Variants in APP observed in about 807,000 individuals in gnomAD.
The protein encoded by APP is amyloid-beta precursor protein.
A neutral mutation model predicts 101.4 loss-of-function variants in APP; 31 were observed. That is an observed-to-expected ratio of 0.31 (90% CI 0.23 to 0.41). APP has a LOEUF of 0.41. Ranked by LOEUF, APP falls within the 10% of genes least tolerant of loss-of-function variation. APP has a pLI of 1.00. For missense variants in APP, 839 were observed against 1,003.7 expected, an observed-to-expected ratio of 0.84 and a Z score of 2.22; for synonymous variants, 366 against 364.4, an observed-to-expected ratio of 1.00 and a Z score of -0.05.
Position 25,975,129 on chromosome 21 carries a change from C to A in APP, c.1399G>T (p.Asp467Tyr), listed in dbSNP as rs1424012655. ...HMARVEAMLNDRRRLALENYI... is the reference protein window; with the variant it reads ...HMARVEAMLNYRRRLALENYI... ...TTCTCCAGGGCCAGGCGGCGGCGGT[C>A]ATTGAGCATGGCTTCCACTCTGGCC... is the stretch of plus-strand genomic sequence containing the variant. Residue 467 changes from aspartate (D) to tyrosine (Y), a missense_variant, in exon 11 of 18, where the codon GAC becomes TAC. Physicochemically the swap from Asp to Tyr is radical, Grantham distance 160. Coordinates refer to ENST00000346798, the MANE Select transcript of APP (RefSeq NM_000484.4). 6.2e-7 allele frequency: 1 copy of A among 1,613,932 alleles called. No homozygotes were observed. Among genetic ancestry groups the A allele is most frequent in the Non-Finnish European group, 8.5e-7 (1 of 1,180,012 alleles).
chr21:25,897,851 T>C (rs1014244409), intron 15 of APP, 178 bp from the exon 16 acceptor site: 6 of 614,504 alleles, frequency 9.8e-6, no homozygotes, highest in African/African-American at 1.9e-5. Flanking sequence ...TTACTACCTA[T>C]TTTGAACAAA....
At position 25,887,517 on chromosome 21, in the gene APP, GA is replaced by G. The variant is rs199637906; in HGVS notation, c.2211+4204del. Among the ~76,000 whole-genome samples, 816 of 114,372 alleles carry G rather than the reference GA, an allele frequency of 7.1e-3. 5 individuals carry two copies. Among genetic ancestry groups the G allele is most frequent in the East Asian group, 0.031 (97 of 3,082 alleles). The allele number at this position is 114,372 out of a possible 152,430, so 75.0% of individuals were successfully genotyped here. A position where few individuals can be genotyped will look rare whatever the true frequency, so the allele number is the denominator to read the frequency against. On this transcript the variant is annotated intron_variant, in intron 17 of 17. Transcript: ENST00000346798. Reference sequence around the variant, plus strand: ...GTAAGTCAATATTTCCTGCTTATTTGAAAAAAAAAAAAAAAAAAAAAAACAA... The same window carrying G: ...GTAAGTCAATATTTCCTGCTTATTTGAAAAAAAAAAAAAAAAAAAAAACAA...
chr21:26,111,087 T>TAA (rs576900084), intron 2 of APP, among the ~76,000 whole-genome samples: 75 of 88,422 alleles, frequency 8.5e-4, no homozygotes, highest in East Asian at 5.4e-3. Context: ...AAAGTTAAGT[T>TAA]AAAAAAAAAA....
chr21:26,044,792 G>C (rs752255307), intron 5 of APP, among the ~76,000 whole-genome samples: 27 of 152,156 alleles, frequency 1.8e-4, no homozygotes, highest in Non-Finnish European at 2.9e-4. Flanking sequence ...GCCCACCTCG[G>C]CCTCCCAAAG....
chr21:25,956,659 C>T (rs1421913608), intron 11 of APP, among the ~76,000 whole-genome samples: 2 of 152,150 alleles, frequency 1.3e-5, no homozygotes, highest in Non-Finnish European at 2.9e-5. Context: ...ATTATTAACC[C>T]ATGTGTCATG....
At chr21:25,984,118 C>T (rs2042548618) in intron 8 of APP, among the ~76,000 whole-genome samples, 1 of 152,264 alleles carries the variant, frequency 6.6e-6, no homozygotes, top group Middle Eastern at 3.4e-3. Context: ...GCCTTCCCTC[C>T]TCCTCTGCTT....
At chr21:26,049,674 T>C (rs2045755696) in intron 5 of APP, among the ~76,000 whole-genome samples, 1 of 152,118 alleles carries the variant, frequency 6.6e-6, no homozygotes, top group African/African-American at 2.4e-5. Flanking sequence ...GACAAAAATA[T>C]GTTTAGAAAA....
intron 1 of APP, among the ~76,000 whole-genome samples, chr21:26,168,453 A>C (rs1031872588): frequency 5.9e-5 from 9 of 152,234 alleles, no homozygotes; most frequent in Non-Finnish European, 1.2e-4. Flanking sequence ...CCTTTAAAGG[A>C]GTTAACAATA....
intron 3 of APP, among the ~76,000 whole-genome samples, chr21:26,072,935 A>G (rs1275010369): frequency 3.9e-5 from 6 of 152,152 alleles, no homozygotes; most frequent in Non-Finnish European, 7.4e-5. Context: ...TTAACCTAAG[A>G]AGTCTGAATT....
At position 26,064,180 on chromosome 21, in the gene APP, T is replaced by C. The variant is rs537794130; in HGVS notation, c.356-10832A>G. ...CCTGACAATTAAATATAATGCGCCTTCCTGGATGGCATCCTGGAACACAGA... is the reference window on the plus strand; with the variant it reads ...CCTGACAATTAAATATAATGCGCCTCCCTGGATGGCATCCTGGAACACAGA... On this transcript the variant is annotated intron_variant, in intron 3 of 17. Transcript: ENST00000346798. Among the ~76,000 whole-genome samples the C allele has an allele frequency of 2.0e-4, 31 of 152,290 alleles. No individual in the cohort carries two copies. The East Asian group carries it at 6.0e-3, about 29-fold the overall frequency.
chr21:25,982,923 C>T (rs1364662556), intron 8 of APP, among the ~76,000 whole-genome samples: 4 of 80,044 alleles, frequency 5.0e-5, no homozygotes, highest in Non-Finnish European at 9.7e-5. Flanking sequence ...TGTAGAATAA[C>T]GGCACCCCAG....
chr21:26,124,554 T>G (rs1569003591), intron 1 of APP, among the ~76,000 whole-genome samples: 1 of 152,162 alleles, frequency 6.6e-6, no homozygotes, highest in Non-Finnish European at 1.5e-5. Context: ...AGACTTCGAA[T>G]GTGCAATCAA....
chr21:26,014,667 C>T (rs921253431), intron 6 of APP, among the ~76,000 whole-genome samples: 1 of 152,206 alleles, frequency 6.6e-6, no homozygotes, highest in African/African-American at 2.4e-5. Flanking sequence ...TCTGTGCCCC[C>T]AGCAACCAAT....
chr21:25,929,365 CA>C, intron 13 of APP, among the ~76,000 whole-genome samples: 1 of 151,926 alleles, frequency 6.6e-6, no homozygotes, highest in Non-Finnish European at 1.5e-5. Context: ...ACAATTCTAA[CA>C]GCAGAAATAA....
chr21:25,947,355 G>A (rs1189995873), intron 13 of APP, among the ~76,000 whole-genome samples: 1 of 152,156 alleles, frequency 6.6e-6, no homozygotes, highest in Non-Finnish European at 1.5e-5. Context: ...CCTCAAGTCT[G>A]CAGACAGACC....
At chr21:25,906,573 G>A (rs2038801489) in intron 14 of APP, among the ~76,000 whole-genome samples, 2 of 152,192 alleles carry the variant, frequency 1.3e-5, no homozygotes, top group Admixed American at 1.3e-4. Flanking sequence ...CTATTCTCTA[G>A]TATTTCACTA....
intron 8 of APP, among the ~76,000 whole-genome samples, chr21:25,994,533 A>G (rs570415815): frequency 1.6e-4 from 25 of 152,210 alleles, no homozygotes; most frequent in Non-Finnish European, 2.9e-4. Flanking sequence ...TATAATGCAA[A>G]CCATCATACA....
chr21:26,132,857 G>GT (rs2062823155), intron 1 of APP, among the ~76,000 whole-genome samples: 1 of 152,134 alleles, frequency 6.6e-6, no homozygotes, highest in African/African-American at 2.4e-5. Context: ...GAATAAACGG[G>GT]TAAGTGATCT....
At chr21:26,119,102 C>G (rs2062505019) in intron 1 of APP, among the ~76,000 whole-genome samples, 1 of 152,086 alleles carries the variant, frequency 6.6e-6, no homozygotes, top group African/African-American at 2.4e-5. Flanking sequence ...TTTAGATAAT[C>G]AGAAGGGCTC....
Sources: allele counts gnomAD v4.1 joint callset (sites outside exome capture counted in the v4.1 genomes callset), GRCh38; gene constraint gnomAD v4.1.1; transcripts MANE v1.5; gene names NCBI Gene and HGNC (gene_info 2026-07-23, HGNC 2026-07-21).